SPAG16: variants seen among roughly 807,000 people sequenced by gnomAD.
The protein encoded by SPAG16 is sperm-associated antigen 16 protein.
In SPAG16, 86 loss-of-function variants were observed where a neutral mutation model predicts 80.4. The ratio of observed to expected loss-of-function variants is 1.07; its 90% CI spans 0.90 to 1.28. The LOEUF is 1.28. Among genes scored for constraint, SPAG16 ranks in the 50% most tolerant of loss-of-function variants. The pLI is 0.00. For synonymous variants in SPAG16, 294 were observed against 265.9 expected (o/e 1.11, Z -1.03); for missense variants, 870 against 765.3 (o/e 1.14, Z -1.61).
At chr2:213,532,950 T>C (rs1390535831) in intron 10 of SPAG16, among the ~76,000 whole-genome samples, 1 of 152,186 alleles carries the variant, frequency 6.6e-6, no homozygotes, top group African/African-American at 2.4e-5. Context: ...ATATAAGAAA[T>C]GTGTTCATAT....
chr2:213,632,926 G>GT (rs1281528108), intron 10 of SPAG16, among the ~76,000 whole-genome samples: 2 of 152,092 alleles, frequency 1.3e-5, no homozygotes, highest in African/African-American at 4.8e-5. Flanking sequence ...TTCACCTGTA[G>GT]TTTTCTTCTA....
intron 15 of SPAG16, among the ~76,000 whole-genome samples, chr2:214,380,123 A>C (rs370180230): frequency 1.3e-5 from 2 of 152,212 alleles, no homozygotes; most frequent in East Asian, 3.8e-4. Flanking sequence ...GGTGAAGTGC[A>C]CTAGATTTAT....
chr2:213,627,192 T>C (rs1410570786), intron 10 of SPAG16, among the ~76,000 whole-genome samples: 1 of 151,984 alleles, frequency 6.6e-6, no homozygotes, highest in African/African-American at 2.4e-5. Flanking sequence ...AGCGGGATCC[T>C]CACTATTGAA....
intron 9 of SPAG16, among the ~76,000 whole-genome samples, chr2:213,426,954 T>C (rs1575563003): frequency 6.6e-6 from 1 of 152,136 alleles, no homozygotes; most frequent in South Asian, 2.1e-4. Context: ...TTTTTTCTTA[T>C]GTGAATGGAG....
At chr2:213,421,152 G>A (rs565220995) in intron 9 of SPAG16, among the ~76,000 whole-genome samples, 21 of 152,304 alleles carry the variant, frequency 1.4e-4, no homozygotes, top group East Asian at 7.7e-4. Context: ...ATATACTCTC[G>A]GGGTCCCAGG....
rs535576623 is a variant in SPAG16 at position 213,814,376 on chromosome 2, C to G, written c.1071-48109C>G. On this transcript the variant is annotated intron_variant, in intron 10 of 15. Coordinates refer to ENST00000331683, the MANE Select transcript of SPAG16 (RefSeq NM_024532.5). ...ATGTTAATTACATCTAAAAATATAC[C>G]TTTATAACAACATCTAGATCTGTAT... Among the ~76,000 whole-genome samples the G allele has an allele frequency of 4.0e-4, 61 of 152,238 alleles. 1 individual carries two copies. Among genetic ancestry groups the G allele is most frequent in the African/African-American group, 1.4e-3 (60 of 41,542 alleles).
intron 9 of SPAG16, among the ~76,000 whole-genome samples, chr2:213,467,607 C>A (rs1438863034): frequency 6.6e-6 from 1 of 152,188 alleles, no homozygotes; most frequent in Non-Finnish European, 1.5e-5. Flanking sequence ...GTGCTGGTAT[C>A]CAAGAGGAGG....
intron 10 of SPAG16, among the ~76,000 whole-genome samples, chr2:213,686,402 C>T (rs539492379): frequency 1.6e-3 from 246 of 152,306 alleles, no homozygotes; most frequent in African/African-American, 5.6e-3. Flanking sequence ...AGGCATGAGC[C>T]AAAGCGCCCG....
At chr2:213,542,245 G>A (rs938763161) in intron 10 of SPAG16, among the ~76,000 whole-genome samples, 1 of 152,128 alleles carries the variant, frequency 6.6e-6, no homozygotes, top group Non-Finnish European at 1.5e-5. Flanking sequence ...GATGGTACTT[G>A]TGGTCATTCA....
At chr2:214,111,613 G>A (rs1364028625) in intron 14 of SPAG16, among the ~76,000 whole-genome samples, 2 of 152,150 alleles carry the variant, frequency 1.3e-5, no homozygotes, top group African/African-American at 2.4e-5. Context: ...TGGCAATGCA[G>A]GCTCTTTTTT....
intron 15 of SPAG16, among the ~76,000 whole-genome samples, chr2:214,339,990 C>A (rs1229410772): frequency 6.6e-6 from 1 of 152,184 alleles, no homozygotes; most frequent in Non-Finnish European, 1.5e-5. Context: ...ATGATGGACT[C>A]CTGACCCACA....
At chr2:214,062,093 A>G (rs968420639) in intron 13 of SPAG16, among the ~76,000 whole-genome samples, 18 of 151,810 alleles carry the variant, frequency 1.2e-4, no homozygotes, top group African/African-American at 4.4e-4. Flanking sequence ...TTCTATTGTG[A>G]TCTTTAATAG....
chr2:213,827,002 T>A (rs941534132), intron 10 of SPAG16, among the ~76,000 whole-genome samples: 6 of 151,948 alleles, frequency 3.9e-5, no homozygotes, highest in Admixed American at 1.3e-4. Context: ...ATGGTTTTTT[T>A]ATGAAATCTA....
chr2:213,857,377 C>CT (rs1012242261), intron 10 of SPAG16, among the ~76,000 whole-genome samples: 2 of 152,298 alleles, frequency 1.3e-5, no homozygotes, highest in Non-Finnish European at 2.9e-5. Context: ...CAGCTGGTAA[C>CT]TTTAAGTTGA....
At chr2:214,202,900 C>G (rs1047055499) in intron 15 of SPAG16, among the ~76,000 whole-genome samples, 16 of 152,128 alleles carry the variant, frequency 1.1e-4, no homozygotes, top group Non-Finnish European at 2.2e-4. Flanking sequence ...CCGGCTATCT[C>G]CTAAGCTGTT....
At chr2:214,138,606 A>G (rs1346063271) in intron 14 of SPAG16, among the ~76,000 whole-genome samples, 1 of 152,146 alleles carries the variant, frequency 6.6e-6, no homozygotes. Flanking sequence ...GGCAACTGGC[A>G]TTTAGATTTA....
chr2:213,567,322 G>A (rs1407453583), intron 10 of SPAG16, among the ~76,000 whole-genome samples: 39 of 130,878 alleles, frequency 3.0e-4, no homozygotes, highest in African/African-American at 7.8e-4. Flanking sequence ...ATGCTGGTGC[G>A]CTGCACCCAC....
At chr2:214,109,150 T>C (rs955457323) in intron 14 of SPAG16, among the ~76,000 whole-genome samples, 1 of 152,308 alleles carries the variant, frequency 6.6e-6, no homozygotes, top group East Asian at 1.9e-4. Context: ...GGTGCCATGC[T>C]CTGGGACTTC....
chr2:213,294,989 G>A (rs1341903033), intron 1 of SPAG16, among the ~76,000 whole-genome samples: 1 of 152,130 alleles, frequency 6.6e-6, no homozygotes, highest in Non-Finnish European at 1.5e-5. Flanking sequence ...ACTTAGAACA[G>A]TTCCTGTCTC....
Sources: allele counts gnomAD v4.1 joint callset (sites outside exome capture counted in the v4.1 genomes callset), GRCh38; gene constraint gnomAD v4.1.1; transcripts MANE v1.5; gene names NCBI Gene and HGNC (gene_info 2026-07-23, HGNC 2026-07-21).